The following UBR4 variants were observed in gnomAD, a reference collection of about 807,000 sequenced individuals.
The protein encoded by UBR4 is ubiquitin protein ligase E3 component n-recognin 4.
UBR4 carries 124 observed loss-of-function variants against 575.6 expected under a neutral mutation model. That is an observed-to-expected ratio of 0.22 (90% CI 0.19 to 0.25). The LOEUF (loss-of-function observed/expected upper bound fraction) is 0.25, where lower values mean the gene tolerates loss of function less well. UBR4 is among the 10% of genes least tolerant of loss of function. The pLI is 1.00. For missense variants in UBR4, 4,818 were observed against 6,478.8 expected, an observed-to-expected ratio of 0.74 and a Z score of 8.80; for synonymous variants, 2,455 against 2,473.7, an observed-to-expected ratio of 0.99 and a Z score of 0.22.
chr1:19,162,345 C>A (rs1999967), intron 35 of UBR4, 75 bp downstream of exon 35: 942,543 of 1,503,942 alleles, frequency 0.63, 299,103 homozygotes, highest in East Asian at 0.83. Flanking sequence ...GGCTGGAAAA[C>A]AGAGCCAAAA....
chr1:19,145,789 A>G lies in UBR4; in HGVS notation c.7945+4T>C, dbSNP rs1404724842. The stretch of plus-strand genomic sequence containing the variant: ...CCAAGATTCAAATATCCCTTTTAAC[A>G]TACCTGGAAGGCAGGCAGGTGCCAA... On this transcript the variant is annotated splice_donor_region_variant and intron_variant, in intron 53 of 105. Coordinates refer to ENST00000375254, the MANE Select transcript of UBR4 (RefSeq NM_020765.3). The G allele has an allele frequency of 1.2e-6, 2 of 1,613,854 alleles. No homozygotes were observed. The highest frequency in any genetic ancestry group is 2.2e-5 in the East Asian group (1 of 44,876).
At chr1:19,166,944 A>C in intron 29 of UBR4, 78 bp downstream of exon 29, 3 of 1,487,476 alleles carry the variant, frequency 2.0e-6, no homozygotes, top group Non-Finnish European at 2.8e-6. Context: ...TTAATGACCT[A>C]AAGGCAGCAG....
intron 25 of UBR4, among the ~76,000 whole-genome samples, chr1:19,171,423 A>C (rs1043834066): frequency 9.2e-5 from 14 of 152,206 alleles, no homozygotes; most frequent in Non-Finnish European, 1.9e-4. Flanking sequence ...TGTTTGGCTC[A>C]AACAAATTTG....
chr1:19,127,560 C>A, intron 63 of UBR4, 63 bp downstream of exon 63: 1 of 1,307,598 alleles, frequency 7.6e-7, no homozygotes, highest in Non-Finnish European at 1.1e-6. Flanking sequence ...CTGTGCTGGC[C>A]CTAGCACTAC....
chr1:19,190,312 A>AAAAAAAAAAAAAATATAT, intron 11 of UBR4, among the ~76,000 whole-genome samples: 20 of 79,888 alleles, frequency 2.5e-4, no homozygotes, highest in African/African-American at 5.9e-4. Flanking sequence ...AAAAAAAAAA[A>AAAAAAAAAAAAAATATAT]ATATATATAT....
Position 19,093,977 on chromosome 1 carries a change from G to T in UBR4, c.13909C>A (p.Arg4637=), listed in dbSNP as rs777419231. 14 of 1,613,182 alleles carry T rather than the reference G, an allele frequency of 8.7e-6. No individual in the cohort carries two copies. The highest frequency in any genetic ancestry group is 2.2e-5 in the East Asian group (1 of 44,862). ...EVEKMQILVE[R]FKPYCNFDKY... Reference sequence around the variant, plus strand: ...TCAAAGTTGCAGTATGGTTTGAATCGCTCCACCAAGATCTGCATTTTCTCC... The same window carrying T: ...TCAAAGTTGCAGTATGGTTTGAATCTCTCCACCAAGATCTGCATTTTCTCC... Residue 4637 remains arginine, a synonymous_variant, in exon 95 of 106, where the codon CGA becomes AGA. Transcript: ENST00000375254. This position sits in a 1 kb window ranked among gnomAD's most constrained non-coding sequence, Gnocchi z 4.8.
chr1:19,190,342 C>T (rs1232614711), intron 11 of UBR4, among the ~76,000 whole-genome samples: 1 of 133,948 alleles, frequency 7.5e-6, no homozygotes, highest in Non-Finnish European at 1.6e-5. Context: ...TGTATGGATA[C>T]CTAGTTCATG....
At chr1:19,144,224 G>GA (rs2084517593) in intron 54 of UBR4, 133 bp from the exon 55 acceptor site, 1 of 725,446 alleles carries the variant, frequency 1.4e-6, no homozygotes, top group Non-Finnish European at 2.3e-6. Context: ...GCAACCCAGC[G>GA]GACCAAGTTC....
chr1:19,081,538 T>C lies in UBR4; in HGVS notation c.15044A>G (p.Gln5015Arg). 6.2e-7 allele frequency: 1 copy of C among 1,613,994 alleles called. No homozygotes were observed. The highest frequency in any genetic ancestry group is 8.5e-7 in the Non-Finnish European group (1 of 1,180,006). The change falls in exon 103 of 106, where the codon CAA (glutamine) becomes CGA (arginine). Residue 5015 changes from glutamine (Q) to arginine (R), a missense_variant. Physicochemically the swap from Gln to Arg is conservative, Grantham distance 43. Transcript: ENST00000375254. ...RATSREEKNL[Q>R]GFLEQPKEKW... ...CTCCTTGGGCTGTTCCAGAAAGCCT[T>C]GGAGGTTCTTCTCTTCTCGGGAAGT...
At position 19,114,820 on chromosome 1, in the gene UBR4, G is replaced by A; in HGVS notation, c.11193C>T (p.Asp3731=). Residue 3731 remains aspartate, a synonymous_variant, in exon 75 of 106, where the codon GAC becomes GAT. Coordinates refer to ENST00000375254, the MANE Select transcript of UBR4 (RefSeq NM_020765.3). ...CAVDPIENEE[D]RKKAVSNINT... ...CCAGATCTGGCCTCACCTTCTTCCG[G>A]TCTTCTTCATTCTCAATGGGATCCA... 1.2e-6 allele frequency: 2 copies of A among 1,614,144 alleles called. No individual in the cohort carries two copies. Among genetic ancestry groups the A allele is most frequent in the East Asian group, 2.2e-5 (1 of 44,888 alleles).
At chr1:19,078,548 C>T (rs1038972387) in intron 103 of UBR4, 1 of 159,716 alleles carries the variant, frequency 6.3e-6, no homozygotes, top group African/African-American at 2.4e-5. Flanking sequence ...ACCAGTCAAA[C>T]ACGGTAACTT....
chr1:19,106,566 C>G lies in UBR4; in HGVS notation c.12393+3G>C, dbSNP rs1388759491. 4 of 1,556,734 alleles carry G rather than the reference C, an allele frequency of 2.6e-6. No homozygotes were observed. Among genetic ancestry groups the G allele is most frequent in the South Asian group, 1.3e-5 (1 of 79,996 alleles). On this transcript the variant is annotated splice_donor_region_variant and intron_variant, in intron 83 of 105. Coordinates refer to ENST00000375254, the MANE Select transcript of UBR4 (RefSeq NM_020765.3). ...GGTGAAGAGTCCAGAAGTGGCCACT[C>G]ACTTGTCGCAGCCAGTTGTTATGCC...
chr1:19,130,757 A>C (rs1487414355), intron 60 of UBR4, among the ~76,000 whole-genome samples: 1 of 152,230 alleles, frequency 6.6e-6, no homozygotes, highest in African/African-American at 2.4e-5. Context: ...ATAAAACATA[A>C]GACGGCTTTG....
chr1:19,176,106 T>G (rs1027045415), intron 20 of UBR4, among the ~76,000 whole-genome samples: 2 of 141,158 alleles, frequency 1.4e-5, no homozygotes, highest in Non-Finnish European at 1.5e-5. Flanking sequence ...TTTTTTTCCT[T>G]GAAATAGAGT....
Position 19,096,656 on chromosome 1 carries a change from G to C in UBR4, c.13391-6C>G. On this transcript the variant is annotated splice_region_variant and splice_polypyrimidine_tract_variant and intron_variant, in intron 91 of 105. Transcript: ENST00000375254. ...TTCTTCATCTTCTTCTTCATCTAGG[G>C]GAGAAGGGAAGCCAAGCAGAAATGG... 1 of 1,613,376 alleles carries C rather than the reference G, an allele frequency of 6.2e-7. No homozygotes were observed. The highest frequency in any genetic ancestry group is 8.5e-7 in the Non-Finnish European group (1 of 1,179,722).
intron 17 of UBR4, among the ~76,000 whole-genome samples, chr1:19,182,129 C>CAA (rs2091030713): frequency 6.6e-6 from 1 of 152,210 alleles, no homozygotes; most frequent in South Asian, 2.1e-4. Context: ...GCATGTGTCA[C>CAA]AATTTCCTTC....
In UBR4 at chr1:19,115,039, T is replaced by A; in HGVS notation, c.11064-90A>T. The A allele has an allele frequency of 1.9e-6, 3 of 1,551,718 alleles. No individual in the cohort carries two copies. In the South Asian group the frequency reaches 3.5e-5, roughly 18 times the overall value. The stretch of plus-strand genomic sequence containing the variant: ...GGAAATGGATTGTGCCACATTTATA[T>A]ACTCTGGTAACTACTGCAGGGGCTA... On this transcript the variant is annotated intron_variant, in intron 74 of 105. Transcript: ENST00000375254.
intron 97 of UBR4, among the ~76,000 whole-genome samples, chr1:19,090,998 A>C (rs138618266): frequency 9.5e-4 from 145 of 152,106 alleles, no homozygotes; most frequent in African/African-American, 3.3e-3. Flanking sequence ...CGGGAGGCTG[A>C]GACAGGAGAA....
Position 19,101,660 on chromosome 1 carries a change from G to A in UBR4, c.12902-19C>T. The A allele has an allele frequency of 6.3e-7, 1 of 1,592,536 alleles. No individual in the cohort carries two copies. Among genetic ancestry groups the A allele is most frequent in the Non-Finnish European group, 8.6e-7 (1 of 1,162,046 alleles). On this transcript the variant is annotated intron_variant, in intron 87 of 105. Transcript: ENST00000375254. ...TCTGTACCTGCCAGAAATCAAAGCGGCCAAGTTAGGAAAGAGCCTCTCCCA... is the reference window on the plus strand; with the variant it reads ...TCTGTACCTGCCAGAAATCAAAGCGACCAAGTTAGGAAAGAGCCTCTCCCA...
Sources: gnomAD v4.1 joint callset for allele counts (sites outside exome capture counted in the v4.1 genomes callset) on GRCh38, gnomAD v4.1.1 for gene constraint, Gnocchi (gnomAD v3.1) non-coding constraint, MANE v1.5 for transcripts, NCBI Gene and HGNC (gene_info 2026-07-23, HGNC 2026-07-21) for gene names.